The following CDKL5 variants were observed in gnomAD, a reference collection of about 807,000 sequenced individuals.
CDKL5 encodes cyclin-dependent kinase-like 5.
In CDKL5, 8 loss-of-function variants were observed where a neutral mutation model predicts 61.7. That is an observed-to-expected ratio of 0.13 (90% confidence interval 0.08 to 0.23). The LOEUF is 0.23. Ranked by LOEUF, CDKL5 falls within the 10% of genes least tolerant of loss-of-function variation. The pLI is 1.00. For missense variants in CDKL5, 440 were observed against 734.5 expected (o/e 0.60, Z 4.63); for synonymous variants, 275 against 272.3 (o/e 1.01, Z -0.10).
intron 1 of CDKL5, among the ~76,000 whole-genome samples, chrX:18,482,322 G>A (rs185778782): frequency 3.6e-5 from 4 of 111,848 alleles, no homozygotes; most frequent in South Asian, 3.7e-4. Flanking sequence ...TATATTTCAC[G>A]TATTCTAAAT....
At chrX:18,560,919 T>G (rs1364506697) in intron 3 of CDKL5, among the ~76,000 whole-genome samples, 1 of 111,802 alleles carries the variant, frequency 8.9e-6, no homozygotes, top group Non-Finnish European at 1.9e-5. Context: ...CAAATAGGCC[T>G]CATACTTCTT....
At chrX:18,527,623 CTT>C (rs1454068818) in intron 3 of CDKL5, among the ~76,000 whole-genome samples, 1 of 109,665 alleles carries the variant, frequency 9.1e-6, no homozygotes, top group Non-Finnish European at 1.9e-5. Context: ...TTTTTTTTCT[CTT>C]GGTTAATTTG....
At chrX:18,612,395 C>T (rs1394283259) in intron 14 of CDKL5, among the ~76,000 whole-genome samples, 3 of 111,132 alleles carry the variant, frequency 2.7e-5, no homozygotes, top group Non-Finnish European at 5.7e-5. Context: ...TGGCCGGGCG[C>T]GGTGGTTCAT....
At chrX:18,446,364 C>CA (rs993989634) in intron 1 of CDKL5, among the ~76,000 whole-genome samples, 1 of 106,034 alleles carries the variant, frequency 9.4e-6, no homozygotes, top group East Asian at 2.9e-4. Context: ...AAAAAAAAAA[C>CA]AAAAAAACAA....
chrX:18,500,832 CATT>C (rs1009025786), intron 1 of CDKL5, among the ~76,000 whole-genome samples: 2 of 110,938 alleles, frequency 1.8e-5, no homozygotes, highest in Admixed American at 9.6e-5. Flanking sequence ...CCACTCACAT[CATT>C]ATTATTTTTT....
chrX:18,651,242 TGTGTGTGTGTGTGTGTGTGTGTGA>T (rs1159059713), intron 21 of CDKL5, among the ~76,000 whole-genome samples: 3 of 96,107 alleles, frequency 3.1e-5, no homozygotes, highest in Admixed American at 1.2e-4. Context: ...TGTGTGTGTG[TGTGTGTGTGTGTGTGTGTGTGTGA>T]GAGAGAGAGA....
intron 1 of CDKL5, among the ~76,000 whole-genome samples, chrX:18,468,462 C>G (rs1367808865): frequency 8.9e-6 from 1 of 112,033 alleles, no homozygotes; most frequent in East Asian, 2.8e-4. Context: ...GAAATCCTTC[C>G]CACTGGAAAT....
intron 1 of CDKL5, among the ~76,000 whole-genome samples, chrX:18,492,653 G>T (rs1367267643): frequency 1.8e-5 from 2 of 110,967 alleles, no homozygotes; most frequent in East Asian, 2.8e-4. Context: ...CATCCTCAGT[G>T]GTATTGACTT....
chrX:18,650,016 A>G lies in CDKL5; in HGVS notation c.2798-394A>G, dbSNP rs1276227734. ...CCCGCTCAGGGCTACTAGCTCTGAGAGAGTAGGCAGAGGGGAAGGGAAAAA... is the reference window on the plus strand; with the variant it reads ...CCCGCTCAGGGCTACTAGCTCTGAGGGAGTAGGCAGAGGGGAAGGGAAAAA... On this transcript the variant is annotated intron_variant, in intron 20 of 21. Transcript: ENST00000379989. 7 of 249,316 alleles carry G rather than the reference A, an allele frequency of 2.8e-5. No homozygotes were observed. In the Admixed American group the frequency reaches 3.8e-4, roughly 13 times the overall value. 20.5% of individuals were successfully genotyped at this position (249,316 alleles called of 1,213,427 possible). A position where few individuals can be genotyped will look rare whatever the true frequency, so the allele number is the denominator to read the frequency against.
At chrX:18,548,938 T>A (rs2147120826) in intron 3 of CDKL5, among the ~76,000 whole-genome samples, 1 of 112,336 alleles carries the variant, frequency 8.9e-6, no homozygotes, top group African/African-American at 3.2e-5. Context: ...AGTATTCTCA[T>A]TTTCTTATTT....
At chrX:18,645,817 T>C (rs1240290151) in intron 19 of CDKL5, among the ~76,000 whole-genome samples, 1 of 111,147 alleles carries the variant, frequency 9.0e-6, no homozygotes, top group African/African-American at 3.3e-5. Flanking sequence ...ATAGAACCCC[T>C]GAGTTTCATC....
chrX:18,601,548 T>C (rs1341916231), intron 11 of CDKL5, among the ~76,000 whole-genome samples: 2 of 112,457 alleles, frequency 1.8e-5, no homozygotes, highest in Non-Finnish European at 1.9e-5. Flanking sequence ...AGAGCTCCGA[T>C]GCAAAGGGAG....
intron 3 of CDKL5, among the ~76,000 whole-genome samples, chrX:18,530,966 T>C (rs374842767): frequency 2.7e-5 from 3 of 112,142 alleles, no homozygotes; most frequent in African/African-American, 9.7e-5. Flanking sequence ...TGCAACTCTT[T>C]CAGTTGTAAT....
chrX:18,562,847 A>C (rs1924849512), intron 3 of CDKL5, among the ~76,000 whole-genome samples: 1 of 111,901 alleles, frequency 8.9e-6, no homozygotes, highest in Non-Finnish European at 1.9e-5. Flanking sequence ...TACACATTTT[A>C]TTTGACCCCC....
intron 1 of CDKL5, among the ~76,000 whole-genome samples, chrX:18,445,585 G>C (rs189110346): frequency 5.1e-4 from 57 of 111,627 alleles, no homozygotes; most frequent in South Asian, 1.5e-3. Context: ...ATCCCCACAT[G>C]TCAAGGGGAG....
chrX:18,604,911 G>A (rs1416964132), intron 12 of CDKL5, 43 bp downstream of exon 12: 7 of 1,199,089 alleles, frequency 5.8e-6, no homozygotes, highest in Admixed American at 4.4e-5. Flanking sequence ...CCCTTCAGGG[G>A]AAGGTGGTAC....
At chrX:18,543,642 CAA>C (rs1924098321) in intron 3 of CDKL5, among the ~76,000 whole-genome samples, 1 of 111,659 alleles carries the variant, frequency 9.0e-6, no homozygotes, top group Admixed American at 9.5e-5. Flanking sequence ...AAAGAATAAA[CAA>C]TAATTTATTC....
intron 6 of CDKL5, 41 bp from the exon 7 acceptor site, chrX:18,581,850 A>G: frequency 3.3e-6 from 3 of 901,249 alleles, no homozygotes; most frequent in East Asian, 3.1e-5. Context: ...AGGAGAACAT[A>G]GAACATTTTT....
At chrX:18,442,791 G>A (rs111791993) in intron 1 of CDKL5, among the ~76,000 whole-genome samples, 1,852 of 112,228 alleles carry the variant, frequency 0.017, 47 homozygotes, top group African/African-American at 0.056. Context: ...ACCGCGCCTA[G>A]CGCTCTGTTG....
Sources: gnomAD v4.1 joint callset for allele counts (sites outside exome capture counted in the v4.1 genomes callset) on GRCh38, gnomAD v4.1.1 for gene constraint, MANE v1.5 for transcripts, NCBI Gene and HGNC (gene_info 2026-07-23, HGNC 2026-07-21) for gene names.